Variants in GFRA2 observed in about 807,000 individuals in gnomAD.
GFRA2 encodes GDNF family receptor alpha-2.
A neutral mutation model predicts 48.3 loss-of-function variants in GFRA2; 17 were observed. That is an observed-to-expected ratio of 0.35 (90% CI 0.24 to 0.53). The LOEUF is 0.53. Among genes scored for constraint, GFRA2 ranks in the 20% least tolerant of loss-of-function variants. The probability of loss-of-function intolerance (pLI) is 0.93; values close to 1 mark genes in which losing one functional copy is unlikely to be tolerated. For missense variants in GFRA2, 660 were observed against 637.3 expected, an observed-to-expected ratio of 1.04 and a Z score of -0.38; for synonymous variants, 305 against 257.2, an observed-to-expected ratio of 1.19 and a Z score of -1.78.
At chr8:21,767,135 C>G (rs2117672546) in intron 3 of GFRA2, among the ~76,000 whole-genome samples, 1 of 129,126 alleles carries the variant, frequency 7.7e-6, no homozygotes, top group African/African-American at 2.8e-5. Context: ...CACCACCTCA[C>G]ACCACCACAC....
At chr8:21,697,878 G>A (rs967868976) in intron 7 of GFRA2, among the ~76,000 whole-genome samples, 14 of 152,140 alleles carry the variant, frequency 9.2e-5, no homozygotes, top group Admixed American at 8.5e-4. Flanking sequence ...CATGTAAGAC[G>A]TCCCTTTGCT....
At chr8:21,695,576 G>A (rs1308437138) in intron 7 of GFRA2, among the ~76,000 whole-genome samples, 4 of 152,108 alleles carry the variant, frequency 2.6e-5, no homozygotes, top group African/African-American at 4.8e-5. Flanking sequence ...TTAGCACAGC[G>A]AGAATGGAAC....
rs1343765928 is a variant in GFRA2 at position 21,782,057 on chromosome 8, C to A, written c.355+528G>T. On this transcript the variant is annotated intron_variant, in intron 2 of 8. Coordinates refer to ENST00000524240, the MANE Select transcript of GFRA2 (RefSeq NM_001495.5). Reference sequence around the variant, plus strand: ...AGCCAGAAGGACAGAGTAGGGGCAGCCAGCTCTGGGATCAGCCCTGGGGCA... The same window carrying A: ...AGCCAGAAGGACAGAGTAGGGGCAGACAGCTCTGGGATCAGCCCTGGGGCA... 3.3e-5 allele frequency among the ~76,000 whole-genome samples: 5 copies of A among 152,290 alleles called. No homozygotes were observed. In the East Asian group the frequency reaches 9.7e-4, roughly 29 times the overall value.
At chr8:21,767,463 C>A (rs1345751235) in intron 3 of GFRA2, among the ~76,000 whole-genome samples, 1 of 152,274 alleles carries the variant, frequency 6.6e-6, no homozygotes, top group Non-Finnish European at 1.5e-5. Flanking sequence ...CAGGAGCGTG[C>A]AGGCATGGGT....
At chr8:21,704,758 T>G (rs1802655134) in intron 6 of GFRA2, among the ~76,000 whole-genome samples, 1 of 152,142 alleles carries the variant, frequency 6.6e-6, no homozygotes, top group African/African-American at 2.4e-5. Context: ...ATAACAGGCT[T>G]GACATAGGTT....
At chr8:21,709,247 C>T (rs1802897027) in intron 4 of GFRA2, among the ~76,000 whole-genome samples, 1 of 152,254 alleles carries the variant, frequency 6.6e-6, no homozygotes, top group African/African-American at 2.4e-5. Flanking sequence ...AGTCCCTCCC[C>T]ATGAAGCCCT....
At chr8:21,701,551 T>C (rs1481115781) in intron 7 of GFRA2, among the ~76,000 whole-genome samples, 4 of 152,340 alleles carry the variant, frequency 2.6e-5, no homozygotes, top group African/African-American at 7.2e-5. Context: ...CTCTCTCAGC[T>C]GTCCTGCCCA....
intron 4 of GFRA2, among the ~76,000 whole-genome samples, chr8:21,711,315 GAA>G (rs1803009984): frequency 6.6e-6 from 1 of 152,166 alleles, no homozygotes; most frequent in Non-Finnish European, 1.5e-5. Flanking sequence ...GAGACAGAGA[GAA>G]AGAGAGAGAG....
chr8:21,784,730 C>A (rs1397445258), intron 1 of GFRA2, among the ~76,000 whole-genome samples: 1 of 152,212 alleles, frequency 6.6e-6, no homozygotes, highest in Admixed American at 6.5e-5. Flanking sequence ...CAGACCTCTG[C>A]CACAGAACAG....
chr8:21,785,599 A>G (rs1311803542), intron 1 of GFRA2, among the ~76,000 whole-genome samples: 1 of 152,220 alleles, frequency 6.6e-6, no homozygotes, highest in African/African-American at 2.4e-5. Context: ...ACACAGGGCT[A>G]CAATTGCCCT....
At chr8:21,811,003 G>A (rs995406550) in intron 1 of GFRA2, among the ~76,000 whole-genome samples, 1 of 152,236 alleles carries the variant, frequency 6.6e-6, no homozygotes, top group African/African-American at 2.4e-5. Flanking sequence ...AGAAGTGCTT[G>A]ACACTCTTGT....
intron 3 of GFRA2, among the ~76,000 whole-genome samples, chr8:21,752,413 A>G (rs370101336): frequency 6.6e-6 from 1 of 151,800 alleles, no homozygotes; most frequent in Non-Finnish European, 1.5e-5. Context: ...GACACAGCCA[A>G]TTCCTCCCTC....
intron 4 of GFRA2, among the ~76,000 whole-genome samples, chr8:21,715,181 C>T (rs987713048): frequency 6.6e-6 from 1 of 151,250 alleles, no homozygotes; most frequent in Non-Finnish European, 1.5e-5. Flanking sequence ...CAACTTGGCT[C>T]CCTTCCTTCC....
chr8:21,769,753 G>A (rs1298081664), intron 3 of GFRA2, among the ~76,000 whole-genome samples: 1 of 152,184 alleles, frequency 6.6e-6, no homozygotes, highest in African/African-American at 2.4e-5. Flanking sequence ...GTGGCAGTGA[G>A]CACCATGATA....
intron 3 of GFRA2, 111 bp downstream of exon 3, chr8:21,774,861 G>T: frequency 3.0e-6 from 2 of 677,468 alleles, no homozygotes. Flanking sequence ...GAGCTGATGG[G>T]CAGCAGGGCC....
At chr8:21,783,714 C>T (rs1249111482) in intron 1 of GFRA2, among the ~76,000 whole-genome samples, 2 of 151,972 alleles carry the variant, frequency 1.3e-5, no homozygotes, top group African/African-American at 4.8e-5. Flanking sequence ...AGTTCCGCCC[C>T]GGCCCCCTCC....
chr8:21,718,944 A>T (rs1803465798), intron 4 of GFRA2, among the ~76,000 whole-genome samples: 1 of 150,954 alleles, frequency 6.6e-6, no homozygotes, highest in Admixed American at 6.6e-5. Context: ...AGTGTCCTGA[A>T]GCCACAGAAT....
chr8:21,742,152 G>A (rs1038402992), intron 4 of GFRA2, among the ~76,000 whole-genome samples: 2 of 152,136 alleles, frequency 1.3e-5, no homozygotes, highest in Non-Finnish European at 2.9e-5. Context: ...TAGATGTTAT[G>A]AATGTAGTGT....
chr8:21,789,266 C>A, upstream of GFRA2: 1 of 153,794 alleles, frequency 6.5e-6, no homozygotes, highest in South Asian at 1.8e-4. Flanking sequence ...GGGCTCGAAC[C>A]CACTCAAGCG....
Sources: gnomAD v4.1 joint callset for allele counts (sites outside exome capture counted in the v4.1 genomes callset) on GRCh38, gnomAD v4.1.1 for gene constraint, MANE v1.5 for transcripts, NCBI Gene and HGNC (gene_info 2026-07-23, HGNC 2026-07-21) for gene names.